The following UBE2D4 variants were observed in gnomAD, a reference collection of about 807,000 sequenced individuals.
UBE2D4 encodes the protein ubiquitin-conjugating enzyme E2 D4.
Under a neutral mutation model 23.0 loss-of-function variants are expected in UBE2D4, and 17 were observed. The ratio of observed to expected loss-of-function variants is 0.74; its 90% confidence interval spans 0.51 to 1.11. The LOEUF (loss-of-function observed/expected upper bound fraction) is 1.11, where lower values mean the gene tolerates loss of function less well. Among genes scored for constraint, UBE2D4 ranks in the 50% least tolerant of loss-of-function variants. The pLI, the probability that UBE2D4 is intolerant of heterozygous loss-of-function variation, is 0.00. For synonymous variants in UBE2D4, 61 were observed against 69.4 expected, an observed-to-expected ratio of 0.88 and a Z score of 0.60; for missense variants, 139 against 181.8, an observed-to-expected ratio of 0.76 and a Z score of 1.35.
chr7:43,931,625 G>C (rs1030648854), intron 1 of UBE2D4, among the ~76,000 whole-genome samples: 1 of 141,714 alleles, frequency 7.1e-6, no homozygotes, highest in East Asian at 2.4e-4. Flanking sequence ...GGGCGGGGGG[G>C]GTGGCAGAGC....
chr7:43,927,941 G>T, intron 1 of UBE2D4: 1 of 422,636 alleles, frequency 2.4e-6, no homozygotes, highest in Admixed American at 2.6e-5. Flanking sequence ...TCTGTTTTGT[G>T]TTGCTATAAA....
intron 6 of UBE2D4, 150 bp from the exon 7 acceptor site, chr7:43,952,500 G>A: frequency 1.4e-6 from 1 of 715,744 alleles, no homozygotes; most frequent in Non-Finnish European, 2.5e-6. Context: ...CTGCTCCAGG[G>A]AAAGCCTTTA....
chr7:43,942,756 G>A lies in UBE2D4; in HGVS notation c.89-70G>A. 5 of 1,603,956 alleles carry A rather than the reference G, an allele frequency of 3.1e-6. No homozygotes were observed. The South Asian group carries it at 5.5e-5, about 18-fold the overall frequency. On this transcript the variant is annotated intron_variant, in intron 2 of 6. Transcript: ENST00000222402. ...GTAGACAGTGCGCTGTAATTTAGCAGTGCGTTTTCAGTAGAATGACATGTT... is the reference window on the plus strand; with the variant it reads ...GTAGACAGTGCGCTGTAATTTAGCAATGCGTTTTCAGTAGAATGACATGTT...
Position 43,952,992 on chromosome 7 carries a change from G to C in UBE2D4, c.*297G>C. 1 of 402,696 alleles carries C rather than the reference G, an allele frequency of 2.5e-6. No individual in the cohort carries two copies. The highest frequency in any genetic ancestry group is 2.0e-5 in the South Asian group (1 of 49,780). 24.9% of individuals were successfully genotyped at this position (402,696 alleles called of 1,614,324 possible). A position where few individuals can be genotyped will look rare whatever the true frequency, so the allele number is the denominator to read the frequency against. ...CTCAGTTTGTCTGCTGGTCTCTTGG[G>C]GGGCCAGGCCCTGCACGTCTCTCCT... On this transcript the variant is annotated 3_prime_UTR_variant, in exon 7 of 7. Transcript: ENST00000222402.
Position 43,943,282 on chromosome 7 carries a change from T to C in UBE2D4, c.198+251T>C, listed in dbSNP as rs75809090. The C allele has an allele frequency of 5.7e-3, 3,326 of 585,490 alleles. 81 individuals are homozygous for C. The highest frequency in any genetic ancestry group is 0.055 in the African/African-American group (2,949 of 53,632). The allele number at this position is 585,490 out of a possible 1,614,324, so 36.3% of individuals were successfully genotyped here. A position where few individuals can be genotyped will look rare whatever the true frequency, so the allele number is the denominator to read the frequency against. On this transcript the variant is annotated intron_variant, in intron 4 of 6. Coordinates refer to ENST00000222402, the MANE Select transcript of UBE2D4 (RefSeq NM_015983.4). ...AGGCCACAGTTTGAATGCTTCTCCT[T>C]GTGACTGTAGCTGAGTCTGGTCATG...
chr7:43,934,300 GTAGAGGACTCTAAGAATTGCCAC>G, intron 1 of UBE2D4, among the ~76,000 whole-genome samples: 1 of 152,244 alleles, frequency 6.6e-6, no homozygotes, highest in Non-Finnish European at 1.5e-5. Context: ...AGGAAGAGTA[GTAGAGGACTCTAAGAATTGCCAC>G]ATTACCATTG....
Position 43,937,855 on chromosome 7 carries a change from T to C in UBE2D4, c.25-576T>C, listed in dbSNP as rs991399186. On this transcript the variant is annotated intron_variant, in intron 1 of 6. Transcript: ENST00000222402. Reference sequence around the variant, plus strand: ...TCCCCACTGGTGCAGTGTTAAACTTTGGCTCACGTGCCAGTCTCCACATTC... The same window carrying C: ...TCCCCACTGGTGCAGTGTTAAACTTCGGCTCACGTGCCAGTCTCCACATTC... Among the ~76,000 whole-genome samples the C allele has an allele frequency of 6.7e-5, 6 of 89,128 alleles. No homozygotes were observed. In the East Asian group the frequency reaches 2.0e-3, roughly 29 times the overall value. The allele number at this position is 89,128 out of a possible 152,430, so 58.5% of individuals were successfully genotyped here. A position where few individuals can be genotyped will look rare whatever the true frequency, so the allele number is the denominator to read the frequency against.
At chr7:43,927,120 G>A (rs1214921416) in intron 1 of UBE2D4, among the ~76,000 whole-genome samples, 1 of 152,104 alleles carries the variant, frequency 6.6e-6, no homozygotes, top group East Asian at 1.9e-4. Flanking sequence ...CTAGAATTTG[G>A]AAAACGCACA....
chr7:43,940,710 A>C (rs1208614634), intron 2 of UBE2D4, among the ~76,000 whole-genome samples: 1 of 152,214 alleles, frequency 6.6e-6, no homozygotes, highest in Non-Finnish European at 1.5e-5. Flanking sequence ...AGCACTGCTT[A>C]GTGTCCCAGC....
intron 1 of UBE2D4, among the ~76,000 whole-genome samples, chr7:43,935,228 A>C (rs926485239): frequency 6.6e-6 from 1 of 152,236 alleles, no homozygotes; most frequent in Admixed American, 6.5e-5. Flanking sequence ...TAAGGTTCAG[A>C]GAGGTTAAGT....
chr7:43,929,445 A>G (rs1241202346), intron 1 of UBE2D4, among the ~76,000 whole-genome samples: 3 of 149,524 alleles, frequency 2.0e-5, no homozygotes, highest in Non-Finnish European at 3.0e-5. Flanking sequence ...AAAAAAAAGT[A>G]AATAAAAATT....
chr7:43,932,572 C>T (rs551707846), intron 1 of UBE2D4, among the ~76,000 whole-genome samples: 2 of 152,258 alleles, frequency 1.3e-5, no homozygotes, highest in South Asian at 4.1e-4. Flanking sequence ...GTGGATGGAT[C>T]ACTTGAGGCC....
intron 1 of UBE2D4, among the ~76,000 whole-genome samples, chr7:43,929,058 G>A (rs1424447496): frequency 6.6e-6 from 1 of 152,104 alleles, no homozygotes; most frequent in African/African-American, 2.4e-5. Context: ...CTGGGAGGCC[G>A]AGGCAGGTGG....
intron 4 of UBE2D4, among the ~76,000 whole-genome samples, chr7:43,946,801 G>A (rs1297909998): frequency 2.6e-5 from 4 of 151,954 alleles, no homozygotes; most frequent in Admixed American, 1.3e-4. Flanking sequence ...AGAAGGGGGG[G>A]TCTTAGAAAG....
intron 6 of UBE2D4, among the ~76,000 whole-genome samples, chr7:43,951,676 G>A (rs1397742525): frequency 6.6e-6 from 1 of 151,960 alleles, no homozygotes; most frequent in Non-Finnish European, 1.5e-5. Flanking sequence ...GACTACAGGC[G>A]TGTCCCACCA....
At chr7:43,931,684 G>A (rs2095945925) in intron 1 of UBE2D4, among the ~76,000 whole-genome samples, 1 of 151,602 alleles carries the variant, frequency 6.6e-6, no homozygotes. Context: ...ACAAGGGGAG[G>A]TGCTCCACAC....
chr7:43,936,691 T>C (rs2095959473), intron 1 of UBE2D4, among the ~76,000 whole-genome samples: 1 of 152,222 alleles, frequency 6.6e-6, no homozygotes, highest in South Asian at 2.1e-4. Context: ...AATTGTAGCA[T>C]TCTCTATACC....
At chr7:43,927,982 A>G in intron 1 of UBE2D4, 1 of 447,486 alleles carries the variant, frequency 2.2e-6, no homozygotes, top group South Asian at 1.6e-5. Context: ...ATTAATAAAG[A>G]AAAGAGGTTT....
rs2096011259 is a variant in UBE2D4 at position 43,955,364 on chromosome 7, T to C, written c.*2669T>C. 1 of 152,088 alleles carries C rather than the reference T, an allele frequency of 6.6e-6. No homozygotes were observed. The highest frequency in any genetic ancestry group is 2.4e-5 in the African/African-American group (1 of 41,408). The allele number at this position is 152,088 out of a possible 1,614,324, so 9.4% of individuals were successfully genotyped here. ...GAACAATTGATCCATGATGAAAAAA[T>C]GACCATTAGCTCTCCCCCAGAAGCG... On this transcript the variant is annotated 3_prime_UTR_variant, in exon 7 of 7. Coordinates refer to ENST00000222402, the MANE Select transcript of UBE2D4 (RefSeq NM_015983.4).
Sources: allele counts gnomAD v4.1 joint callset (sites outside exome capture counted in the v4.1 genomes callset), GRCh38; gene constraint gnomAD v4.1.1; transcripts MANE v1.5; gene names NCBI Gene and HGNC (gene_info 2026-07-23, HGNC 2026-07-21).